STAU2: variants seen among roughly 807,000 people sequenced by gnomAD.
STAU2 encodes the protein staufen double-stranded RNA binding protein 2.
Under a neutral mutation model 65.9 loss-of-function variants are expected in STAU2, and 20 were observed. The ratio of observed to expected loss-of-function variants is 0.30; its 90% confidence interval spans 0.21 to 0.44. The LOEUF is 0.44. Ranked by LOEUF, STAU2 falls within the 20% of genes least tolerant of loss-of-function variation. The probability of loss-of-function intolerance (pLI) is 1.00; values close to 1 mark genes in which losing one functional copy is unlikely to be tolerated. For missense variants in STAU2, 558 were observed against 683.9 expected (o/e 0.82, Z 2.05); for synonymous variants, 232 against 233.9 (o/e 0.99, Z 0.07).
chr8:73,675,653 C>T (rs1817986792), intron 5 of STAU2: 2 of 152,066 alleles, frequency 1.3e-5, no homozygotes, highest in Admixed American at 1.3e-4. Context: ...AATTGAGGGG[C>T]ATTCTAAAAA....
intron 4 of STAU2, 27 bp downstream of exon 4, chr8:73,709,005 T>C: frequency 6.8e-7 from 1 of 1,475,990 alleles, no homozygotes; most frequent in South Asian, 1.4e-5. Context: ...GATAAGTATG[T>C]CTCACCACCT....
chr8:73,537,373 C>A (rs558636181), intron 13 of STAU2, among the ~76,000 whole-genome samples: 71 of 152,124 alleles, frequency 4.7e-4, no homozygotes, highest in Non-Finnish European at 9.7e-4. Flanking sequence ...TAAACCTATA[C>A]CTTTAAGAAG....
At chr8:73,682,645 A>G (rs896956133) in intron 5 of STAU2, among the ~76,000 whole-genome samples, 1 of 152,174 alleles carries the variant, frequency 6.6e-6, no homozygotes, top group Admixed American at 6.5e-5. Context: ...AAATTGAAAC[A>G]AAAGAAATAC....
intron 13 of STAU2, among the ~76,000 whole-genome samples, chr8:73,547,446 C>T (rs913806542): frequency 2.0e-5 from 3 of 151,904 alleles, no homozygotes; most frequent in Non-Finnish European, 4.4e-5. Context: ...TTTGCATATC[C>T]CTTGGACTTT....
At chr8:73,699,536 A>G (rs1334445287) in intron 4 of STAU2, among the ~76,000 whole-genome samples, 2 of 152,146 alleles carry the variant, frequency 1.3e-5, no homozygotes, top group Non-Finnish European at 2.9e-5. Flanking sequence ...GACTACCGTG[A>G]GCAACTATAT....
intron 6 of STAU2, among the ~76,000 whole-genome samples, chr8:73,627,997 C>A (rs960538065): frequency 6.6e-6 from 1 of 151,926 alleles, no homozygotes; most frequent in Admixed American, 6.6e-5. Flanking sequence ...TATCTGTGTA[C>A]TGAGGGACAA....
rs1318101513 is a variant in STAU2 at position 73,596,234 on chromosome 8, A to G, written c.1030-937T>C. On this transcript the variant is annotated intron_variant, in intron 10 of 14. Transcript: ENST00000524300. Reference sequence around the variant, plus strand: ...TCTAAGCCTCAGGTTTTTCATCAGTAAAGCCGGGGTAATACCAACTACTGC... The same window carrying G: ...TCTAAGCCTCAGGTTTTTCATCAGTGAAGCCGGGGTAATACCAACTACTGC... Among the ~76,000 whole-genome samples the G allele has an allele frequency of 2.6e-5, 4 of 152,306 alleles. No homozygotes were observed. In the East Asian group the frequency reaches 7.7e-4, roughly 29 times the overall value.
chr8:73,493,328 T>A, intron 13 of STAU2, among the ~76,000 whole-genome samples: 2 of 150,938 alleles, frequency 1.3e-5, no homozygotes, highest in South Asian at 2.1e-4. Context: ...GATAAGAAAA[T>A]GAATAAGGAA....
chr8:73,613,454 A>G (rs1177486676), intron 9 of STAU2, among the ~76,000 whole-genome samples: 1 of 152,220 alleles, frequency 6.6e-6, no homozygotes, highest in Non-Finnish European at 1.5e-5. Flanking sequence ...TTATACGGTC[A>G]TGAGGGGGAT....
chr8:73,501,619 T>C (rs1439660441), intron 13 of STAU2, among the ~76,000 whole-genome samples: 1 of 151,942 alleles, frequency 6.6e-6, no homozygotes, highest in Non-Finnish European at 1.5e-5. Context: ...TATTCTACTA[T>C]GATGTTAATA....
At chr8:73,460,647 T>G (rs1457490308) in intron 13 of STAU2, among the ~76,000 whole-genome samples, 2 of 152,238 alleles carry the variant, frequency 1.3e-5, no homozygotes, top group East Asian at 3.8e-4. Context: ...TTGAGCTGTC[T>G]TGTGCATTCT....
At chr8:73,648,052 C>G (rs569619917) in intron 6 of STAU2, among the ~76,000 whole-genome samples, 1 of 152,264 alleles carries the variant, frequency 6.6e-6, no homozygotes, top group Non-Finnish European at 1.5e-5. Flanking sequence ...ACATGGGCTT[C>G]TGTGTGCCAT....
chr8:73,595,955 T>C (rs1353769652), intron 10 of STAU2, among the ~76,000 whole-genome samples: 1 of 151,826 alleles, frequency 6.6e-6, no homozygotes, highest in Non-Finnish European at 1.5e-5. Context: ...CTACTAAAAA[T>C]ACAAAAATTA....
At chr8:73,617,969 C>A (rs1213144881) in intron 6 of STAU2, among the ~76,000 whole-genome samples, 1 of 152,240 alleles carries the variant, frequency 6.6e-6, no homozygotes, top group Admixed American at 6.5e-5. Context: ...GTGTTATATT[C>A]ATACATTTTA....
intron 6 of STAU2, among the ~76,000 whole-genome samples, chr8:73,650,955 C>T (rs1455012786): frequency 1.3e-5 from 2 of 152,230 alleles, no homozygotes; most frequent in Non-Finnish European, 1.5e-5. Flanking sequence ...GATAAAGGAA[C>T]ATCTTTGAGG....
chr8:73,631,652 G>C (rs1814096212), intron 6 of STAU2, among the ~76,000 whole-genome samples: 1 of 152,136 alleles, frequency 6.6e-6, no homozygotes, highest in Non-Finnish European at 1.5e-5. Context: ...CAGTACAGGA[G>C]TCTAGTAACT....
At chr8:73,654,366 A>T (rs572578452) in intron 6 of STAU2, among the ~76,000 whole-genome samples, 33 of 151,996 alleles carry the variant, frequency 2.2e-4, no homozygotes, top group Non-Finnish European at 4.1e-4. Context: ...AGACCCTTTT[A>T]ACTGTCCAGG....
chr8:73,693,734 A>G (rs1819516244), intron 4 of STAU2, among the ~76,000 whole-genome samples: 1 of 152,264 alleles, frequency 6.6e-6, no homozygotes. Context: ...CTGGAGACAC[A>G]CTGTTTATGA....
chr8:73,467,421 A>G (rs1819719090), intron 13 of STAU2, among the ~76,000 whole-genome samples: 1 of 152,138 alleles, frequency 6.6e-6, no homozygotes, highest in African/African-American at 2.4e-5. Context: ...AGTCCCAGCT[A>G]CGTGGGAGGC....
Sources: allele counts gnomAD v4.1 joint callset (sites outside exome capture counted in the v4.1 genomes callset), GRCh38; gene constraint gnomAD v4.1.1; transcripts MANE v1.5; gene names NCBI Gene and HGNC (gene_info 2026-07-23, HGNC 2026-07-21).